MYO5B: variants seen among roughly 807,000 people sequenced by gnomAD.
MYO5B encodes the protein myosin VB.
A neutral mutation model predicts 229.3 loss-of-function variants in MYO5B; 143 were observed. The observed-to-expected ratio is 0.62, with a 90% CI of 0.54 to 0.72. MYO5B has a LOEUF of 0.72. Ranked by LOEUF, MYO5B falls within the 30% of genes least tolerant of loss-of-function variation. The pLI, the probability that MYO5B is intolerant of heterozygous loss-of-function variation, is 0.00. For synonymous variants in MYO5B, 918 were observed against 885.2 expected (o/e 1.04, Z -0.66); for missense variants, 2,321 against 2,331.0 (o/e 1.00, Z 0.09).
At chr18:49,991,594 T>C (rs1477224644) in intron 6 of MYO5B, among the ~76,000 whole-genome samples, 1 of 151,808 alleles carries the variant, frequency 6.6e-6, no homozygotes, top group Non-Finnish European at 1.5e-5. Flanking sequence ...TCAAGTCAGG[T>C]GAAAAGTGGG....
At chr18:50,175,085 G>T (rs2032976654) in intron 1 of MYO5B, among the ~76,000 whole-genome samples, 1 of 152,210 alleles carries the variant, frequency 6.6e-6, no homozygotes, top group South Asian at 2.1e-4. Context: ...AGGCAAAACA[G>T]GTCCCACCCA....
intron 24 of MYO5B, among the ~76,000 whole-genome samples, chr18:49,878,515 C>T (rs1455252290): frequency 6.6e-6 from 1 of 152,098 alleles, no homozygotes; most frequent in East Asian, 1.9e-4. Flanking sequence ...AAAAGAATGA[C>T]AGATCCTAAA....
chr18:50,072,163 A>T (rs1480034695), intron 1 of MYO5B, among the ~76,000 whole-genome samples: 1 of 152,190 alleles, frequency 6.6e-6, no homozygotes, highest in Non-Finnish European at 1.5e-5. Flanking sequence ...TGGAGGAGGG[A>T]CACTCTGTGG....
intron 4 of MYO5B, among the ~76,000 whole-genome samples, chr18:50,031,307 G>A (rs2026386487): frequency 6.6e-6 from 1 of 152,132 alleles, no homozygotes; most frequent in Non-Finnish European, 1.5e-5. Flanking sequence ...GGTAATGGAG[G>A]AAGCTGTGCA....
intron 1 of MYO5B, among the ~76,000 whole-genome samples, chr18:50,113,676 G>T (rs1435441796): frequency 6.6e-6 from 1 of 152,188 alleles, no homozygotes; most frequent in Non-Finnish European, 1.5e-5. Flanking sequence ...GGCCCTGAAG[G>T]GTTGAAGTTA....
chr18:50,182,897 T>C (rs979216044), intron 1 of MYO5B, among the ~76,000 whole-genome samples: 1 of 152,136 alleles, frequency 6.6e-6, no homozygotes, highest in Non-Finnish European at 1.5e-5. Context: ...GTTGAGTTCC[T>C]ACAGCATGCA....
intron 4 of MYO5B, among the ~76,000 whole-genome samples, chr18:50,031,828 TC>T (rs533001431): frequency 6.2e-4 from 94 of 152,340 alleles, no homozygotes; most frequent in African/African-American, 2.1e-3. Flanking sequence ...AGAACATTAG[TC>T]CCTCGAAATA....
chr18:50,031,343 A>G (rs761356111), intron 4 of MYO5B, among the ~76,000 whole-genome samples: 12 of 152,158 alleles, frequency 7.9e-5, no homozygotes, highest in African/African-American at 2.9e-4. Context: ...TCTGAACTCC[A>G]TCTGTACCCA....
chr18:49,911,016 G>A (rs1321642329), intron 18 of MYO5B, among the ~76,000 whole-genome samples: 1 of 152,202 alleles, frequency 6.6e-6, no homozygotes, highest in African/African-American at 2.4e-5. Context: ...CAGCTGTCAG[G>A]TGTGAGTTCA....
chr18:50,172,222 C>T (rs548413112), intron 1 of MYO5B, among the ~76,000 whole-genome samples: 2 of 147,268 alleles, frequency 1.4e-5, no homozygotes, highest in East Asian at 4.0e-4. Context: ...TCGAGGCTGC[C>T]GTGAGCCATG....
chr18:49,831,272 G>T (rs2023917798), intron 39 of MYO5B, among the ~76,000 whole-genome samples: 1 of 152,034 alleles, frequency 6.6e-6, no homozygotes, highest in African/African-American at 2.4e-5. Flanking sequence ...ACATAGATTG[G>T]ACATCCTCAA....
At chr18:49,965,455 TCACACACACACACACA>T (rs57101973) in intron 10 of MYO5B, among the ~76,000 whole-genome samples, 1 of 147,098 alleles carries the variant, frequency 6.8e-6, no homozygotes, top group South Asian at 2.2e-4. Flanking sequence ...ACACTTCTTT[TCACACACACACACACA>T]CACACACACA....
chr18:50,048,141 T>C (rs185998289), intron 2 of MYO5B, among the ~76,000 whole-genome samples: 5 of 150,600 alleles, frequency 3.3e-5, no homozygotes, highest in Admixed American at 2.6e-4. Flanking sequence ...ATTTAATGAC[T>C]GTTCTGCTGT....
intron 1 of MYO5B, among the ~76,000 whole-genome samples, 190 bp downstream of exon 1, chr18:50,194,577 C>T (rs1427368848): frequency 3.3e-5 from 5 of 152,300 alleles, no homozygotes; most frequent in African/African-American, 4.8e-5. Flanking sequence ...CGGGCGTTCC[C>T]GGAACCGCCA....
chr18:50,118,615 T>G (rs954495558), intron 1 of MYO5B, among the ~76,000 whole-genome samples: 1 of 147,648 alleles, frequency 6.8e-6, no homozygotes, highest in African/African-American at 2.5e-5. Context: ...ACATGTGCCA[T>G]GTTGGCATTT....
At chr18:50,075,469 T>C (rs900178610) in intron 1 of MYO5B, among the ~76,000 whole-genome samples, 2 of 152,202 alleles carry the variant, frequency 1.3e-5, no homozygotes, top group African/African-American at 4.8e-5. Context: ...CTTTGTCATC[T>C]AATCCTTATA....
rs1175606726 is a variant in MYO5B at position 49,823,929 on chromosome 18, A to G, written c.*2542T>C. ...TTAAAAGACAAAACTCCCCCATGAT[A>G]TCACCTTGAACATTAAAATTATTCC... On this transcript the variant is annotated 3_prime_UTR_variant, in exon 40 of 40. Coordinates refer to ENST00000285039, the MANE Select transcript of MYO5B (RefSeq NM_001080467.3). The G allele has an allele frequency of 6.5e-6, 1 of 152,792 alleles. No individual in the cohort carries two copies. The highest frequency in any genetic ancestry group is 2.1e-4 in the South Asian group (1 of 4,826). The allele number at this position is 152,792 out of a possible 1,614,324, so 9.5% of individuals were successfully genotyped here. A position where few individuals can be genotyped will look rare whatever the true frequency, so the allele number is the denominator to read the frequency against.
At chr18:49,839,379 C>G (rs967561397) in intron 35 of MYO5B, 85 bp from the exon 36 acceptor site, 1 of 1,526,742 alleles carries the variant, frequency 6.5e-7, no homozygotes, top group Non-Finnish European at 9.0e-7. Context: ...CTTTAGTCAT[C>G]TATTTGGTGG....
chr18:50,062,463 C>T (rs1043416269), intron 1 of MYO5B, among the ~76,000 whole-genome samples: 1 of 152,210 alleles, frequency 6.6e-6, no homozygotes, highest in African/African-American at 2.4e-5. Context: ...TTTCATTTAA[C>T]ACCAGCAAAA....
Sources: allele counts gnomAD v4.1 joint callset (sites outside exome capture counted in the v4.1 genomes callset), GRCh38; gene constraint gnomAD v4.1.1; transcripts MANE v1.5; gene names NCBI Gene and HGNC (gene_info 2026-07-23, HGNC 2026-07-21).